The following MARCHF1 variants were observed in gnomAD, a reference collection of about 807,000 sequenced individuals.
MARCHF1 encodes the protein E3 ubiquitin-protein ligase MARCHF1.
A neutral mutation model predicts 54.2 loss-of-function variants in MARCHF1; 40 were observed. The observed-to-expected ratio is 0.74, with a 90% confidence interval of 0.57 to 0.96. The LOEUF (loss-of-function observed/expected upper bound fraction) is 0.96. Among genes scored for constraint, MARCHF1 ranks in the 40% least tolerant of loss-of-function variants. MARCHF1 has a pLI of 0.00. For missense variants in MARCHF1, 586 were observed against 656.5 expected, an observed-to-expected ratio of 0.89 and a Z score of 1.17; for synonymous variants, 236 against 236.3, an observed-to-expected ratio of 1.00 and a Z score of 0.01.
intron 1 of MARCHF1, among the ~76,000 whole-genome samples, chr4:164,224,553 C>T (rs1732199499): frequency 6.6e-6 from 1 of 151,818 alleles, no homozygotes; most frequent in Non-Finnish European, 1.5e-5. Context: ...AGTCTATGTC[C>T]TAATAATCTA....
chr4:164,164,994 G>A (rs759031880), intron 1 of MARCHF1, among the ~76,000 whole-genome samples: 1 of 151,924 alleles, frequency 6.6e-6, no homozygotes, highest in East Asian at 1.9e-4. Context: ...AGCAAGAATT[G>A]GATTCACCTA....
At position 163,560,994 on chromosome 4, in the gene MARCHF1, C is replaced by T. The variant is rs376982283; in HGVS notation, c.1192-15251G>A. On this transcript the variant is annotated intron_variant, in intron 8 of 9. Coordinates refer to ENST00000514618, the MANE Select transcript of MARCHF1 (RefSeq NM_001394959.1). ...TCCACTTTTTTGAATCTTTTCCAAT[C>T]GAGATGCTTTTATTTGTTTTTCTTG... Among the ~76,000 whole-genome samples the T allele has an allele frequency of 1.2e-3, 184 of 152,072 alleles. 1 individual carries two copies. Among genetic ancestry groups the T allele is most frequent in the African/African-American group, 4.0e-3 (168 of 41,512 alleles).
intron 3 of MARCHF1, among the ~76,000 whole-genome samples, chr4:163,900,190 C>G (rs770131746): frequency 1.3e-5 from 2 of 152,114 alleles, no homozygotes; most frequent in South Asian, 2.1e-4. Context: ...TGAAAAATCT[C>G]ACATTCAGAA....
chr4:163,815,359 C>T (rs1748504808), intron 4 of MARCHF1, among the ~76,000 whole-genome samples: 1 of 152,174 alleles, frequency 6.6e-6, no homozygotes, highest in Admixed American at 6.5e-5. Flanking sequence ...CTATGTGCTA[C>T]ATTTTCTGGT....
chr4:164,199,673 CACACACACAGAGAGAGAGAG>C (rs1399103742), intron 1 of MARCHF1, among the ~76,000 whole-genome samples: 6 of 60,746 alleles, frequency 9.9e-5, no homozygotes, highest in African/African-American at 3.9e-4. Context: ...CACACACACA[CACACACACAGAGAGAGAGAG>C]AGAGAGAGAG....
intron 1 of MARCHF1, among the ~76,000 whole-genome samples, chr4:164,218,449 T>C (rs1325740286): frequency 6.6e-6 from 1 of 151,730 alleles, no homozygotes; most frequent in Non-Finnish European, 1.5e-5. Flanking sequence ...CCACAGGAAA[T>C]GAAGCAATGA....
At chr4:163,981,519 C>T (rs1050193487) in intron 3 of MARCHF1, among the ~76,000 whole-genome samples, 1 of 151,956 alleles carries the variant, frequency 6.6e-6, no homozygotes, top group African/African-American at 2.4e-5. Flanking sequence ...GAATGAGAAT[C>T]GAATAGATGT....
At chr4:163,644,146 G>A (rs1345141463) in intron 5 of MARCHF1, among the ~76,000 whole-genome samples, 1 of 151,988 alleles carries the variant, frequency 6.6e-6, no homozygotes, top group Non-Finnish European at 1.5e-5. Context: ...ACCATTTTAG[G>A]TAAAATATTG....
chr4:164,037,790 C>G (rs1448289081), intron 2 of MARCHF1, among the ~76,000 whole-genome samples: 3 of 152,106 alleles, frequency 2.0e-5, no homozygotes, highest in Non-Finnish European at 4.4e-5. Context: ...AGTATGTACC[C>G]TTGATATGAT....
At chr4:163,678,300 A>G (rs1743984576) in intron 5 of MARCHF1, among the ~76,000 whole-genome samples, 1 of 152,192 alleles carries the variant, frequency 6.6e-6, no homozygotes, top group African/African-American at 2.4e-5. Context: ...AGGAAAGTGG[A>G]TGGTATACAT....
intron 4 of MARCHF1, among the ~76,000 whole-genome samples, chr4:163,711,709 C>T (rs1745109646): frequency 6.6e-6 from 1 of 152,190 alleles, no homozygotes; most frequent in Non-Finnish European, 1.5e-5. Context: ...AATGCTACTT[C>T]TCCCTGCTTT....
At chr4:163,902,955 G>C (rs76490292) in intron 3 of MARCHF1, among the ~76,000 whole-genome samples, 1 of 151,654 alleles carries the variant, frequency 6.6e-6, no homozygotes, top group Non-Finnish European at 1.5e-5. Flanking sequence ...GCACATCATC[G>C]TCTCCTACCT....
intron 4 of MARCHF1, among the ~76,000 whole-genome samples, chr4:163,825,417 G>A (rs547696021): frequency 1.3e-5 from 2 of 151,938 alleles, no homozygotes; most frequent in Admixed American, 1.3e-4. Context: ...CATGTATGTG[G>A]CTTTATGGTA....
At chr4:164,178,398 A>G (rs1019647182) in intron 1 of MARCHF1, among the ~76,000 whole-genome samples, 2 of 152,220 alleles carry the variant, frequency 1.3e-5, no homozygotes, top group African/African-American at 4.8e-5. Context: ...GAGAAAGTGC[A>G]GGAGCAAAAT....
At chr4:163,628,994 C>T (rs932528542) in intron 5 of MARCHF1, among the ~76,000 whole-genome samples, 2 of 152,092 alleles carry the variant, frequency 1.3e-5, no homozygotes, top group African/African-American at 4.8e-5. Flanking sequence ...TTTATAGATT[C>T]AATGCTATCC....
chr4:164,188,927 AC>A, intron 1 of MARCHF1: 1 of 764,000 alleles, frequency 1.3e-6, no homozygotes, highest in Non-Finnish European at 2.4e-6. Context: ...ATGCGAAGCA[AC>A]CAAAGATATT....
intron 1 of MARCHF1, among the ~76,000 whole-genome samples, chr4:164,249,905 A>T (rs1323227971): frequency 1.3e-5 from 2 of 152,112 alleles, no homozygotes; most frequent in African/African-American, 4.8e-5. Flanking sequence ...ACTTTGAGAG[A>T]GGTATTCAGG....
At chr4:164,374,608 A>T (rs1238837577) in intron 1 of MARCHF1, among the ~76,000 whole-genome samples, 1 of 152,150 alleles carries the variant, frequency 6.6e-6, no homozygotes. Context: ...TCTACCATGA[A>T]TGTCATAAGG....
At chr4:164,358,651 T>C (rs1730632408) in intron 1 of MARCHF1, among the ~76,000 whole-genome samples, 1 of 152,178 alleles carries the variant, frequency 6.6e-6, no homozygotes, top group Admixed American at 6.5e-5. Context: ...GTTTATCATT[T>C]AAGTAGCTAT....
Sources: gnomAD v4.1 joint callset for allele counts (sites outside exome capture counted in the v4.1 genomes callset) on GRCh38, gnomAD v4.1.1 for gene constraint, MANE v1.5 for transcripts, NCBI Gene and HGNC (gene_info 2026-07-23, HGNC 2026-07-21) for gene names.